Variants in SLC9C2 observed in about 807,000 individuals in gnomAD.
The protein encoded by SLC9C2 is solute carrier family 9 member C2 (putative).
Under a neutral mutation model 140.2 loss-of-function variants are expected in SLC9C2, and 75 were observed. That is an observed-to-expected ratio of 0.53 (90% CI 0.44 to 0.65). The LOEUF (loss-of-function observed/expected upper bound fraction) is 0.65. SLC9C2 is among the 30% of genes least tolerant of loss of function. The probability of loss-of-function intolerance (pLI) is 0.00; values close to 1 mark genes in which losing one functional copy is unlikely to be tolerated. For missense variants in SLC9C2, 1,074 were observed against 1,331.8 expected, an observed-to-expected ratio of 0.81 and a Z score of 3.01; for synonymous variants, 375 against 420.9, an observed-to-expected ratio of 0.89 and a Z score of 1.34.
Position 173,587,711 on chromosome 1 carries a change from A to G in SLC9C2, c.477T>C (p.Leu159=), listed in dbSNP as rs1012804618. ...CAGAACGAAGAGGATCTATAATGCC[A>G]AGGGTGATGCTAAAGAGTAGGCAAG... The part of the protein sequence containing the change: ...LQSCLLFSIT[L]GIIDPLRSVN... Residue 159 remains leucine, a synonymous_variant, in exon 5 of 28, where the codon CTT becomes CTC. Coordinates refer to ENST00000367714, the MANE Select transcript of SLC9C2 (RefSeq NM_178527.4). The G allele has an allele frequency of 1.2e-6, 2 of 1,613,562 alleles. No individual in the cohort carries two copies. Among genetic ancestry groups the G allele is most frequent in the Middle Eastern group, 1.7e-4 (1 of 6,056 alleles).
intron 5 of SLC9C2, among the ~76,000 whole-genome samples, chr1:173,587,219 C>G (rs753437958): frequency 2.0e-5 from 3 of 152,120 alleles, no homozygotes; most frequent in Non-Finnish European, 4.4e-5. Flanking sequence ...CCCTCCACCA[C>G]CTGCCAAACC....
chr1:173,538,546 T>A (rs4916369), intron 13 of SLC9C2, among the ~76,000 whole-genome samples: 52,423 of 151,932 alleles, frequency 0.35, 11,161 homozygotes, highest in East Asian at 0.64. Flanking sequence ...AGTTAGATGC[T>A]TATATGATAA....
chr1:173,587,761 T>G lies in SLC9C2; in HGVS notation c.427A>C (p.Asn143His). 6.2e-7 allele frequency: 1 copy of G among 1,613,264 alleles called. No individual in the cohort carries two copies. The highest frequency in any genetic ancestry group is 8.5e-7 in the Non-Finnish European group (1 of 1,179,438). ...GATTGCAAATCCCATGAATCTTTAT[T>G]GAATTTTATAACGACATATCCAATT... ...IIIGYVVIKF[N>H]KDSWDLQSCL... Residue 143 changes from asparagine (N) to histidine (H), a missense_variant, in exon 5 of 28, where the codon AAT (asparagine) becomes CAT (histidine). Coordinates refer to ENST00000367714, the MANE Select transcript of SLC9C2 (RefSeq NM_178527.4).
chr1:173,564,015 T>C (rs1003736523), intron 9 of SLC9C2, among the ~76,000 whole-genome samples: 1 of 152,228 alleles, frequency 6.6e-6, no homozygotes, highest in Non-Finnish European at 1.5e-5. Context: ...TCTTTCCATA[T>C]TGTTGCAAAT....
intron 11 of SLC9C2, among the ~76,000 whole-genome samples, chr1:173,554,322 C>T (rs1401641360): frequency 2.0e-5 from 3 of 152,178 alleles, no homozygotes. Context: ...CACACCCCTC[C>T]CCCACCATTT....
chr1:173,599,143 G>A (rs1409718468), intron 3 of SLC9C2, among the ~76,000 whole-genome samples: 1 of 151,868 alleles, frequency 6.6e-6, no homozygotes, highest in Non-Finnish European at 1.5e-5. Flanking sequence ...TTTTGAGACG[G>A]AGTCTCGCTC....
At chr1:173,535,622 C>A (rs1483567108) in intron 15 of SLC9C2, among the ~76,000 whole-genome samples, 2 of 152,166 alleles carry the variant, frequency 1.3e-5, no homozygotes, top group Non-Finnish European at 2.9e-5. Flanking sequence ...TATGAACATC[C>A]TTTTTCCCTT....
chr1:173,571,671 T>A (rs556817297), intron 9 of SLC9C2: 1 of 152,314 alleles, frequency 6.6e-6, no homozygotes, highest in Non-Finnish European at 1.5e-5. Context: ...GTAAACTCCA[T>A]GATGGCAGAA....
At chr1:173,600,685 A>G (rs1332157786) in intron 2 of SLC9C2, among the ~76,000 whole-genome samples, 2 of 152,156 alleles carry the variant, frequency 1.3e-5, no homozygotes, top group South Asian at 4.1e-4. Context: ...GTAAGACCAG[A>G]TAAAGATATG....
intron 4 of SLC9C2, among the ~76,000 whole-genome samples, chr1:173,591,539 T>C (rs185696882): frequency 6.6e-6 from 1 of 152,302 alleles, no homozygotes; most frequent in African/African-American, 2.4e-5. Flanking sequence ...ACAGTATCTA[T>C]TATTTTTTGA....
At chr1:173,547,926 T>G in intron 12 of SLC9C2, 142 bp from the exon 13 acceptor site, 1 of 627,462 alleles carries the variant, frequency 1.6e-6, no homozygotes, top group East Asian at 2.9e-5. Context: ...AGCTATGTAA[T>G]GTTTTTTCAT....
At chr1:173,540,399 C>G (rs1315015821) in intron 13 of SLC9C2, among the ~76,000 whole-genome samples, 1 of 152,220 alleles carries the variant, frequency 6.6e-6, no homozygotes, top group Non-Finnish European at 1.5e-5. Flanking sequence ...CTTGGTTAAA[C>G]AGCAGACGCT....
chr1:173,541,772 C>T (rs1016635168), intron 13 of SLC9C2, among the ~76,000 whole-genome samples: 7 of 152,052 alleles, frequency 4.6e-5, no homozygotes, highest in Admixed American at 6.6e-5. Context: ...GGTTAAATAA[C>T]AAAATGAAGG....
chr1:173,566,932 T>C (rs527503828), intron 9 of SLC9C2, among the ~76,000 whole-genome samples: 99 of 152,138 alleles, frequency 6.5e-4, no homozygotes, highest in Non-Finnish European at 1.3e-3. Context: ...AATTTCTTCA[T>C]TGATGCACTT....
intron 9 of SLC9C2, among the ~76,000 whole-genome samples, chr1:173,562,027 T>C (rs1434204467): frequency 6.6e-6 from 1 of 152,212 alleles, no homozygotes; most frequent in East Asian, 1.9e-4. Flanking sequence ...AGAAATAAAA[T>C]TTCATTTTTT....
At chr1:173,516,880 G>T (rs1660461267) in intron 23 of SLC9C2, among the ~76,000 whole-genome samples, 1 of 152,194 alleles carries the variant, frequency 6.6e-6, no homozygotes, top group Non-Finnish European at 1.5e-5. Flanking sequence ...GGTCTTTGAG[G>T]AAACGTCACA....
At chr1:173,592,132 C>T (rs1666197056) in intron 4 of SLC9C2, among the ~76,000 whole-genome samples, 1 of 152,126 alleles carries the variant, frequency 6.6e-6, no homozygotes, top group East Asian at 1.9e-4. Context: ...GAGTCCTTTA[C>T]CCATTGTTTG....
chr1:173,560,674 C>T (rs1448079836), intron 9 of SLC9C2, among the ~76,000 whole-genome samples: 1 of 152,186 alleles, frequency 6.6e-6, no homozygotes, highest in Admixed American at 6.5e-5. Context: ...TCCAGGAAAC[C>T]CAACCTATGA....
chr1:173,505,837 A>G (rs1194747029), intron 25 of SLC9C2, among the ~76,000 whole-genome samples: 1 of 152,156 alleles, frequency 6.6e-6, no homozygotes, highest in Non-Finnish European at 1.5e-5. Flanking sequence ...TGCTGACCTT[A>G]TCCCTATCTT....
Sources: allele counts gnomAD v4.1 joint callset (sites outside exome capture counted in the v4.1 genomes callset), GRCh38; gene constraint gnomAD v4.1.1; transcripts MANE v1.5; gene names NCBI Gene and HGNC (gene_info 2026-07-23, HGNC 2026-07-21).